Variants in DNAH11 observed in about 807,000 individuals in gnomAD.
DNAH11 encodes the protein dynein axonemal heavy chain 11.
DNAH11 carries 442 observed loss-of-function variants against 526.0 expected under a neutral mutation model. The observed-to-expected ratio is 0.84, with a 90% confidence interval of 0.78 to 0.91. The LOEUF is 0.91. Among genes scored for constraint, DNAH11 ranks in the 40% least tolerant of loss-of-function variants. The pLI is 0.00. For synonymous variants in DNAH11, 2,461 were observed against 1,935.9 expected, an observed-to-expected ratio of 1.27 and a Z score of -7.12; for missense variants, 6,989 against 5,448.7, an observed-to-expected ratio of 1.28 and a Z score of -8.90.
chr7:21,603,969 A>G (rs1311102079), intron 18 of DNAH11, among the ~76,000 whole-genome samples: 1 of 152,192 alleles, frequency 6.6e-6, no homozygotes, highest in Non-Finnish European at 1.5e-5. Context: ...TTAGCTGTGT[A>G]TCAGTAATTT....
At chr7:21,738,519 G>A (rs764860353) in intron 46 of DNAH11, among the ~76,000 whole-genome samples, 182 bp from the exon 47 acceptor site, 1 of 152,178 alleles carries the variant, frequency 6.6e-6, no homozygotes, top group Non-Finnish European at 1.5e-5. Flanking sequence ...GAGATTGGCA[G>A]GAGAGCACGA....
At chr7:21,606,349 T>C in intron 18 of DNAH11, 77 bp from the exon 19 acceptor site, 1 of 1,174,374 alleles carries the variant, frequency 8.5e-7, no homozygotes, top group Non-Finnish European at 1.2e-6. Flanking sequence ...AGAAAGAAAT[T>C]AGAGTCATTT....
chr7:21,545,490 C>G (rs1028132539), intron 2 of DNAH11, among the ~76,000 whole-genome samples: 4 of 152,074 alleles, frequency 2.6e-5, no homozygotes, highest in African/African-American at 9.7e-5. Flanking sequence ...ACCTTAGCAG[C>G]AGGTTTTAAG....
rs760558232 is a variant in DNAH11 at position 21,900,033 on chromosome 7, T to G, written c.13216T>G (p.Leu4406Val). Reference sequence around the variant, plus strand: ...TGAGTGGCCCCTGGATAAAACGCGCTTGACTGCTGATGTTACCAAAAAAAC... The same window carrying G: ...TGAGTGGCCCCTGGATAAAACGCGCGTGACTGCTGATGTTACCAAAAAAAC... ...KNEWPLDKTRLTADVTKKTKE... is the reference protein window; with the variant it reads ...KNEWPLDKTRVTADVTKKTKE... The change falls in exon 81 of 82, where the codon TTG becomes GTG. Residue 4406 changes from leucine (L) to valine (V), a missense_variant. Coordinates refer to ENST00000409508, the MANE Select transcript of DNAH11 (RefSeq NM_001277115.2). The G allele has an allele frequency of 3.7e-6, 6 of 1,613,834 alleles. No homozygotes were observed. The highest frequency in any genetic ancestry group is 5.1e-6 in the Non-Finnish European group (6 of 1,179,864).
rs1562664170 is a variant in DNAH11, at chr7:21,564,343, C to G, written c.1140C>G (p.Thr380=). The G allele has an allele frequency of 6.2e-7, 1 of 1,613,332 alleles. No homozygotes were observed. The highest frequency in any genetic ancestry group is 8.5e-7 in the Non-Finnish European group (1 of 1,179,682). Residue 380 remains threonine, a synonymous_variant, in exon 6 of 82, where the codon ACC becomes ACG. Transcript: ENST00000409508. ...GGAGTCATTCCAAGTTTTATAACAC[C>G]CCAGCTCGGGTTATAGTTTTATTGC... is the stretch of plus-strand genomic sequence containing the variant. ...LIWSHSKFYN[T]PARVIVLLQE... is the part of the protein sequence containing the mutation.
chr7:21,710,311 C>T (rs1390474926), intron 40 of DNAH11, among the ~76,000 whole-genome samples: 1 of 152,110 alleles, frequency 6.6e-6, no homozygotes, highest in Non-Finnish European at 1.5e-5. Context: ...TTTGTTATCT[C>T]TGTTTGGCAT....
chr7:21,736,655 G>A (rs980442797), intron 46 of DNAH11, among the ~76,000 whole-genome samples: 1 of 151,996 alleles, frequency 6.6e-6, no homozygotes, highest in Non-Finnish European at 1.5e-5. Flanking sequence ...CATCTTTTTT[G>A]TTAATCATTT....
intron 57 of DNAH11, 96 bp downstream of exon 57, chr7:21,779,200 G>A: frequency 7.1e-7 from 1 of 1,405,280 alleles, no homozygotes; most frequent in Non-Finnish European, 9.5e-7. Context: ...TCTCCAGGGA[G>A]CATAAAGTCT....
At chr7:21,715,368 G>A (rs1784615946) in intron 42 of DNAH11, among the ~76,000 whole-genome samples, 1 of 152,210 alleles carries the variant, frequency 6.6e-6, no homozygotes, top group African/African-American at 2.4e-5. Flanking sequence ...CTGAGCTGCT[G>A]ATAGGAGGAC....
intron 66 of DNAH11, among the ~76,000 whole-genome samples, chr7:21,849,437 T>G (rs1782540421): frequency 6.6e-6 from 1 of 152,242 alleles, no homozygotes; most frequent in South Asian, 2.1e-4. Flanking sequence ...GATGTGAGTT[T>G]CTGACCTATA....
chr7:21,676,114 A>G (rs868184950), intron 30 of DNAH11, among the ~76,000 whole-genome samples: 4 of 152,106 alleles, frequency 2.6e-5, no homozygotes, highest in African/African-American at 9.7e-5. Context: ...GTCATGGAAG[A>G]CTTTGTGCTC....
intron 55 of DNAH11, among the ~76,000 whole-genome samples, chr7:21,772,092 A>G (rs904739004): frequency 6.6e-6 from 1 of 152,194 alleles, no homozygotes; most frequent in Admixed American, 6.5e-5. Context: ...TCTGAAAAAC[A>G]GTGTGAATTA....
In DNAH11 at chr7:21,600,829, T is replaced by C; in HGVS notation, c.3154T>C (p.Phe1052Leu). 1 of 1,613,902 alleles carries C rather than the reference T, an allele frequency of 6.2e-7. No homozygotes were observed. Among genetic ancestry groups the C allele is most frequent in the Non-Finnish European group, 8.5e-7 (1 of 1,179,862 alleles). ...VDDRAEFMKH[F>L]LLYGHAVSSD... ...TGATCGAGCTGAGTTTATGAAGCAT[T>C]TTCTCTTGTATGGCCATGCTGTGTC... The change falls in exon 16 of 82, where the codon TTT becomes CTT. Residue 1052 changes from phenylalanine (F) to leucine (L), a missense_variant. Transcript: ENST00000409508.
chr7:21,801,729 A>T (rs1789005181), intron 62 of DNAH11, among the ~76,000 whole-genome samples: 1 of 152,202 alleles, frequency 6.6e-6, no homozygotes, highest in Non-Finnish European at 1.5e-5. Context: ...ATGAAATTGA[A>T]CTGTTTGTTG....
At chr7:21,732,464 G>T (rs1333054167) in intron 45 of DNAH11, among the ~76,000 whole-genome samples, 1 of 152,018 alleles carries the variant, frequency 6.6e-6, no homozygotes, top group Non-Finnish European at 1.5e-5. Context: ...ATGTTGGGGG[G>T]ACACAATATT....
rs139377682 is a variant in DNAH11, at chr7:21,728,906, C to T, written c.7440+2922C>T. ...ATCTTCTTTGGCTCAATGCCCTGTA[C>T]CGGGGCCCACTGGGATGATGGCCCT... is the stretch of plus-strand genomic sequence containing the variant. On this transcript the variant is annotated intron_variant, in intron 45 of 81. Coordinates refer to ENST00000409508, the MANE Select transcript of DNAH11 (RefSeq NM_001277115.2). Among the ~76,000 whole-genome samples the T allele has an allele frequency of 4.2e-3, 635 of 152,374 alleles. 8 individuals carry two copies. The highest frequency in any genetic ancestry group is 0.014 in the African/African-American group (601 of 41,600).
At chr7:21,861,511 C>G (rs896533550) in intron 68 of DNAH11, among the ~76,000 whole-genome samples, 1 of 152,208 alleles carries the variant, frequency 6.6e-6, no homozygotes, top group Non-Finnish European at 1.5e-5. Context: ...TGTATGTACA[C>G]TTAAAATTGT....
Position 21,835,185 on chromosome 7 carries a change from T to G in DNAH11, c.10692-7359T>G, listed in dbSNP as rs77030792. Among the ~76,000 whole-genome samples the G allele has an allele frequency of 9.6e-3, 1,431 of 149,504 alleles. 19 individuals are homozygous for G. Among genetic ancestry groups the G allele is most frequent in the African/African-American group, 0.033 (1,344 of 40,382 alleles). On this transcript the variant is annotated intron_variant, in intron 65 of 81. Transcript: ENST00000409508. The stretch of plus-strand genomic sequence containing the variant: ...TTTACTGCAGAATTCTATCAAACAT[T>G]TAAAGAAGAACTAATACCAATCCTT...
chr7:21,744,758 C>T lies in DNAH11; in HGVS notation c.8317-112C>T. The T allele has an allele frequency of 1.4e-6, 2 of 1,431,998 alleles. 1 individual carries two copies. The highest frequency in any genetic ancestry group is 2.9e-5 in the African/African-American group (2 of 69,340). 88.7% of individuals were successfully genotyped at this position (1,431,998 alleles called of 1,614,324 possible). A position where few individuals can be genotyped will look rare whatever the true frequency, so the allele number is the denominator to read the frequency against. ...TGGTCTATGCTTGGGAACATTCCAC[C>T]CACCTACCCATGTGTGGGTCTGCAA... is the stretch of plus-strand genomic sequence containing the variant. On this transcript the variant is annotated intron_variant, in intron 50 of 81. Coordinates refer to ENST00000409508, the MANE Select transcript of DNAH11 (RefSeq NM_001277115.2).
Sources: allele counts gnomAD v4.1 joint callset (sites outside exome capture counted in the v4.1 genomes callset), GRCh38; gene constraint gnomAD v4.1.1; transcripts MANE v1.5; gene names NCBI Gene and HGNC (gene_info 2026-07-23, HGNC 2026-07-21).